FAM193A: variants seen among roughly 807,000 people sequenced by gnomAD.
The protein encoded by FAM193A is protein FAM193A.
In FAM193A, 22 loss-of-function variants were observed where a neutral mutation model predicts 126.5. The observed-to-expected ratio is 0.17, with a 90% CI of 0.12 to 0.25. The LOEUF (loss-of-function observed/expected upper bound fraction) is 0.25, where lower values mean the gene tolerates loss of function less well. FAM193A is among the 10% of genes least tolerant of loss of function. The pLI is 1.00. For synonymous variants in FAM193A, 761 were observed against 646.8 expected, an observed-to-expected ratio of 1.18 and a Z score of -2.68; for missense variants, 1,675 against 1,672.8, an observed-to-expected ratio of 1.00 and a Z score of -0.02.
At chr4:2,547,612 GTGTGTGTGTGTGTA>G in intron 1 of FAM193A, among the ~76,000 whole-genome samples, 1 of 151,192 alleles carries the variant, frequency 6.6e-6, no homozygotes, top group South Asian at 2.1e-4. Flanking sequence ...GTCTGTGTGT[GTGTGTGTGTGTGTA>G]TGTATTTTTT....
chr4:2,646,974 G>A, intron 7 of FAM193A, 142 bp downstream of exon 7: 3 of 902,728 alleles, frequency 3.3e-6, no homozygotes, highest in Non-Finnish European at 1.6e-6. Flanking sequence ...GGTAGCCCCT[G>A]TGTGTTAGCT....
intron 1 of FAM193A, among the ~76,000 whole-genome samples, chr4:2,540,683 G>A (rs1334975558): frequency 6.6e-6 from 1 of 152,080 alleles, no homozygotes; most frequent in Non-Finnish European, 1.5e-5. Flanking sequence ...AAAACAGGCC[G>A]AGTGCGGTGG....
chr4:2,650,438 C>T (rs993250054), intron 7 of FAM193A, among the ~76,000 whole-genome samples: 3 of 152,206 alleles, frequency 2.0e-5, no homozygotes, highest in Admixed American at 1.3e-4. Context: ...GGCTTTCCTG[C>T]CCGGCTCACT....
chr4:2,694,006 G>A (rs1263950525), intron 16 of FAM193A, 132 bp downstream of exon 16: 4 of 968,272 alleles, frequency 4.1e-6, no homozygotes, highest in Admixed American at 2.6e-5. Flanking sequence ...GGAATGCAGG[G>A]ATGTCCCCAG....
intron 13 of FAM193A, among the ~76,000 whole-genome samples, chr4:2,683,918 G>T (rs568865613): frequency 6.6e-6 from 1 of 152,244 alleles, no homozygotes; most frequent in African/African-American, 2.4e-5. Context: ...GACATATCTT[G>T]CAGCTCCCTG....
chr4:2,578,425 G>A (rs973844101), intron 1 of FAM193A, among the ~76,000 whole-genome samples: 4 of 151,300 alleles, frequency 2.6e-5, no homozygotes, highest in African/African-American at 9.7e-5. Flanking sequence ...TATCTCATTT[G>A]ATTCTGTGGC....
chr4:2,595,843 T>C (rs1740828659), intron 1 of FAM193A, among the ~76,000 whole-genome samples: 1 of 152,110 alleles, frequency 6.6e-6, no homozygotes, highest in African/African-American at 2.4e-5. Flanking sequence ...GAAGTCAAGG[T>C]GAAGGGGTTA....
At chr4:2,643,550 A>G (rs1008150203) in intron 6 of FAM193A, among the ~76,000 whole-genome samples, 1 of 145,896 alleles carries the variant, frequency 6.9e-6, no homozygotes, top group Non-Finnish European at 1.5e-5. Flanking sequence ...TAACTCTACC[A>G]TTAAACAGTA....
intron 6 of FAM193A, among the ~76,000 whole-genome samples, chr4:2,641,677 A>G (rs905800796): frequency 1.3e-4 from 20 of 152,212 alleles, no homozygotes; most frequent in South Asian, 8.3e-4. Flanking sequence ...AAAAACAAAC[A>G]AACAAAAAGA....
intron 2 of FAM193A, among the ~76,000 whole-genome samples, chr4:2,605,267 A>G (rs758397512): frequency 1.3e-5 from 2 of 152,150 alleles, no homozygotes; most frequent in Admixed American, 6.5e-5. Context: ...TCTTGCAGCA[A>G]GTTCACACTT....
chr4:2,550,344 C>G (rs1737835982), intron 1 of FAM193A, among the ~76,000 whole-genome samples: 1 of 151,076 alleles, frequency 6.6e-6, no homozygotes, highest in African/African-American at 2.4e-5. Flanking sequence ...CCACACCCAG[C>G]CTAGACTGTT....
At chr4:2,609,722 G>T (rs1042462365) in intron 2 of FAM193A, among the ~76,000 whole-genome samples, 1 of 152,158 alleles carries the variant, frequency 6.6e-6, no homozygotes, top group Non-Finnish European at 1.5e-5. Flanking sequence ...GAGGTCAGGA[G>T]ATCGAGACCA....
Position 2,663,189 on chromosome 4 carries a change from C to T in FAM193A, c.1980C>T (p.Pro660=), listed in dbSNP as rs1286057998. 1 of 1,614,108 alleles carries T rather than the reference C, an allele frequency of 6.2e-7. No individual in the cohort carries two copies. The highest frequency in any genetic ancestry group is 1.1e-5 in the South Asian group (1 of 91,080). Residue 660 remains proline (P), a synonymous_variant, in exon 12 of 21, where the codon CCC becomes CCT. Transcript: ENST00000637812. ...CGGACGGCGAGAGTAGTGGGGAGCCCCCAGGGGCCCCGAAGGAAGATGGAG... is the reference window on the plus strand; with the variant it reads ...CGGACGGCGAGAGTAGTGGGGAGCCTCCAGGGGCCCCGAAGGAAGATGGAG... ...EEADGESSGE[P]PGAPKEDGVL... is the part of the protein sequence containing the mutation.
At chr4:2,723,215 A>G (rs1298308734) in intron 20 of FAM193A, among the ~76,000 whole-genome samples, 1 of 152,136 alleles carries the variant, frequency 6.6e-6, no homozygotes. Flanking sequence ...CGGAAGTTGC[A>G]GTGAGCCAAC....
chr4:2,612,532 T>C (rs74348218), intron 2 of FAM193A, among the ~76,000 whole-genome samples: 1,633 of 152,198 alleles, frequency 0.011, 31 homozygotes, highest in African/African-American at 0.037. Context: ...TTTTTTTTGC[T>C]TGTTTGTTTT....
chr4:2,574,588 A>G (rs2108865806), intron 1 of FAM193A, among the ~76,000 whole-genome samples: 1 of 152,262 alleles, frequency 6.6e-6, no homozygotes, highest in South Asian at 2.1e-4. Context: ...TCTAGTGGAA[A>G]GTGACTGAGA....
intron 7 of FAM193A, among the ~76,000 whole-genome samples, chr4:2,657,356 C>A (rs1711832266): frequency 6.6e-6 from 1 of 152,092 alleles, no homozygotes; most frequent in Admixed American, 6.6e-5. Flanking sequence ...CTCCTAACTT[C>A]TTTGTTAGTT....
chr4:2,551,726 A>G (rs1246149964), intron 1 of FAM193A, among the ~76,000 whole-genome samples: 2 of 150,404 alleles, frequency 1.3e-5, no homozygotes, highest in Non-Finnish European at 3.0e-5. Context: ...TTGAAGAACC[A>G]GCTGTTGGTT....
chr4:2,720,296 T>C (rs1719986950), intron 20 of FAM193A, among the ~76,000 whole-genome samples: 1 of 152,164 alleles, frequency 6.6e-6, no homozygotes, highest in African/African-American at 2.4e-5. Context: ...ATAGGAAATA[T>C]AAAAGAACTT....
Sources: allele counts gnomAD v4.1 joint callset (sites outside exome capture counted in the v4.1 genomes callset), GRCh38; gene constraint gnomAD v4.1.1; transcripts MANE v1.5; gene names NCBI Gene and HGNC (gene_info 2026-07-23, HGNC 2026-07-21).